Variants in PARP16 observed in about 807,000 individuals in gnomAD.
The protein encoded by PARP16 is protein mono-ADP-ribosyltransferase PARP16.
In PARP16, 31 loss-of-function variants were observed where a neutral mutation model predicts 35.0. The observed-to-expected ratio is 0.88, with a 90% CI of 0.66 to 1.19. PARP16 has a LOEUF of 1.19. Among genes scored for constraint, PARP16 ranks in the 50% most tolerant of loss-of-function variants. PARP16 has a pLI of 0.00. For synonymous variants in PARP16, 162 were observed against 169.5 expected, an observed-to-expected ratio of 0.96 and a Z score of 0.34; for missense variants, 424 against 411.2, an observed-to-expected ratio of 1.03 and a Z score of -0.27.
intron 2 of PARP16, among the ~76,000 whole-genome samples, chr15:65,269,176 T>TTTTCTTGCTTTCTTTCTTTC (rs2090007542): frequency 6.8e-6 from 1 of 146,054 alleles, no homozygotes; most frequent in Non-Finnish European, 1.5e-5. Context: ...TAGTCGGTTT[T>TTTTCTTGCTTTCTTTCTTTC]TTTCTTTCTT....
Position 65,266,602 on chromosome 15 carries a change from TG to T in PARP16, c.478del (p.His160IlefsTer12). ...AFHGSRLENF[H>X]SIIHNGLHCH... ...GTGCAGGCCATTGTGGATAATGGAA[TG>T]GAAGTTTTCTAGGCGGCTACCATGA... On this transcript the variant is annotated frameshift_variant, in exon 3 of 6. Coordinates refer to ENST00000649807, the MANE Select transcript of PARP16 (RefSeq NM_001316943.2). LOFTEE classifies it high-confidence loss of function. 2 of 1,614,150 alleles carry T rather than the reference TG, an allele frequency of 1.2e-6. No individual in the cohort carries two copies. Among genetic ancestry groups the T allele is most frequent in the East Asian group, 2.2e-5 (1 of 44,890 alleles).
chr15:65,252,985 C>G (rs1420582240), intron 2 of PARP16, among the ~76,000 whole-genome samples: 1 of 152,048 alleles, frequency 6.6e-6, no homozygotes, highest in Non-Finnish European at 1.5e-5. Context: ...AAAATATTAG[C>G]TGGACATGGT....
downstream of PARP16, chr15:65,234,313 T>C (rs543033154): frequency 6.6e-6 from 1 of 152,274 alleles, no homozygotes; most frequent in Admixed American, 6.5e-5. Context: ...TCTCCATGTT[T>C]CCTGTCCTGA....
At chr15:65,285,902 A>G (rs2090578715) in intron 1 of PARP16, among the ~76,000 whole-genome samples, 1 of 152,188 alleles carries the variant, frequency 6.6e-6, no homozygotes, top group Non-Finnish European at 1.5e-5. Flanking sequence ...AAAAGGATGG[A>G]TAACTTTCTA....
intron 3 of PARP16, among the ~76,000 whole-genome samples, chr15:65,245,120 C>T (rs1160193273): frequency 6.6e-6 from 1 of 152,200 alleles, no homozygotes; most frequent in Non-Finnish European, 1.5e-5. Flanking sequence ...CTGGCAGCTG[C>T]TCCTCAGTAA....
chr15:65,248,315 C>T (rs1236505426), intron 2 of PARP16: 1 of 455,878 alleles, frequency 2.2e-6, no homozygotes. Flanking sequence ...TGAATGAATG[C>T]TTCTGCACAA....
intron 1 of PARP16, among the ~76,000 whole-genome samples, chr15:65,278,698 G>T (rs1232340405): frequency 1.3e-5 from 2 of 152,184 alleles, no homozygotes; most frequent in Admixed American, 6.5e-5. Context: ...TTATCATCAG[G>T]AAAAGCTGGA....
chr15:65,286,866 G>GCGCCGCGCGCGCCTTCCTGCCC lies in PARP16; in HGVS notation c.-441_-440insGGGCAGGAAGGCGCGCGCGGCG, dbSNP rs1366757773. The GCGCCGCGCGCGCCTTCCTGCCC allele has an allele frequency of 1.9e-5, 3 of 158,926 alleles. No homozygotes were observed. The highest frequency in any genetic ancestry group is 6.5e-5 in the Admixed American group (1 of 15,400). The allele number at this position is 158,926 out of a possible 1,614,324, so 9.8% of individuals were successfully genotyped here. On this transcript the variant is annotated 5_prime_UTR_variant, in exon 1 of 6. Coordinates refer to ENST00000649807, the MANE Select transcript of PARP16 (RefSeq NM_001316943.2). Reference sequence around the variant, plus strand: ...ACTCTCCGCGACGGGCGAGGCTGCTGCGCCGCGCGCGCCTTCCTGCCCCGC... The same window carrying GCGCCGCGCGCGCCTTCCTGCCC: ...ACTCTCCGCGACGGGCGAGGCTGCTGCGCCGCGCGCGCCTTCCTGCCCCGCCGCGCGCGCCTTCCTGCCCCGC...
rs758400971 is a variant in PARP16, at chr15:65,266,626, T to C, written c.455A>G (p.His152Arg). Reference protein sequence around the residue: ...KGERDLIYAFHGSRLENFHSI... With the variant: ...KGERDLIYAFRGSRLENFHSI... ...ATGGAAGTTTTCTAGGCGGCTACCA[T>C]GAAATGCATAGATTAGGTCTCGTTC... The change falls in exon 3 of 6, where the codon CAT (histidine) becomes CGT (arginine). Residue 152 changes from histidine to arginine, a missense_variant. Physicochemically the swap from His to Arg is conservative, Grantham distance 29 (BLOSUM62 0). Coordinates refer to ENST00000649807, the MANE Select transcript of PARP16 (RefSeq NM_001316943.2). The C allele has an allele frequency of 1.2e-6, 2 of 1,614,010 alleles. No individual in the cohort carries two copies. Among genetic ancestry groups the C allele is most frequent in the Non-Finnish European group, 8.5e-7 (1 of 1,180,018 alleles).
At chr15:65,239,955 C>CCTTTTTTTTTTTTTTTTTT in intron 3 of PARP16, among the ~76,000 whole-genome samples, 1 of 81,750 alleles carries the variant, frequency 1.2e-5, no homozygotes, top group Non-Finnish European at 2.1e-5. Context: ...CGCGTCTGAC[C>CCTTTTTTTTTTTTTTTTTT]TTTTTTTTTT....
In PARP16 at chr15:65,286,471, C is replaced by A. The variant is rs756368685; in HGVS notation, c.-45G>T. On this transcript the variant is annotated 5_prime_UTR_variant, in exon 1 of 6. Transcript: ENST00000649807. ...CCGGGGTAGACGCGCTGGTTAGGGG[C>A]AAGGGCGAGCGTGCGTTCAGCGCGG... 1 of 1,371,182 alleles carries A rather than the reference C, an allele frequency of 7.3e-7. No homozygotes were observed. Among genetic ancestry groups the A allele is most frequent in the Non-Finnish European group, 9.5e-7 (1 of 1,054,348 alleles). The allele number at this position is 1,371,182 out of a possible 1,614,324, so 84.9% of individuals were successfully genotyped here.
intron 3 of PARP16, among the ~76,000 whole-genome samples, chr15:65,235,168 G>A (rs796910851): frequency 3.3e-5 from 5 of 151,218 alleles, no homozygotes; most frequent in East Asian, 2.0e-4. Context: ...TTAGCCGGGC[G>A]TAGTGGTGGG....
intron 4 of PARP16, among the ~76,000 whole-genome samples, chr15:65,262,134 C>CTT (rs958810685): frequency 0.014 from 1,854 of 132,216 alleles, 41 homozygotes; most frequent in African/African-American, 0.042. Context: ...TTTTTTCTTT[C>CTT]TTTTTTTTTT....
chr15:65,269,154 C>T lies in PARP16; in HGVS notation c.312+1781G>A, dbSNP rs920882472. 2.1e-5 allele frequency among the ~76,000 whole-genome samples: 3 copies of T among 142,658 alleles called. No homozygotes were observed. The East Asian group carries it at 6.9e-4, about 33-fold the overall frequency. The allele number at this position is 142,658 out of a possible 152,430, so 93.6% of individuals were successfully genotyped here. A position where few individuals can be genotyped will look rare whatever the true frequency, so the allele number is the denominator to read the frequency against. ...AGACAAGCCAGGACAATGGGTCACACCTGGCCCATTTTAGTCGGTTTTTTT... is the reference window on the plus strand; with the variant it reads ...AGACAAGCCAGGACAATGGGTCACATCTGGCCCATTTTAGTCGGTTTTTTT... On this transcript the variant is annotated intron_variant, in intron 2 of 5. Transcript: ENST00000649807.
chr15:65,254,110 C>T (rs1351134451), downstream of PARP16, among the ~76,000 whole-genome samples: 3 of 152,196 alleles, frequency 2.0e-5, no homozygotes, highest in African/African-American at 4.8e-5. Flanking sequence ...TGAACCACCG[C>T]GCCTGGCCTA....
intron 2 of PARP16, among the ~76,000 whole-genome samples, chr15:65,249,926 C>T (rs2089308967): frequency 6.6e-6 from 1 of 152,150 alleles, no homozygotes; most frequent in Non-Finnish European, 1.5e-5. Context: ...ATGGTTTCCA[C>T]TTCTGACATT....
At chr15:65,246,067 C>CATTGGGGT (rs2089201633) in intron 3 of PARP16, among the ~76,000 whole-genome samples, 1 of 152,098 alleles carries the variant, frequency 6.6e-6, no homozygotes, top group African/African-American at 2.4e-5. Context: ...TGGGGATGGC[C>CATTGGGGT]ATTGGGGTGG....
chr15:65,265,916 T>A (rs2089875158), intron 3 of PARP16, among the ~76,000 whole-genome samples: 1 of 152,028 alleles, frequency 6.6e-6, no homozygotes, highest in Non-Finnish European at 1.5e-5. Flanking sequence ...TGGGATTTTT[T>A]ATTATTTATT....
chr15:65,275,405 T>C (rs757221704), intron 1 of PARP16, among the ~76,000 whole-genome samples: 2 of 152,176 alleles, frequency 1.3e-5, no homozygotes, highest in African/African-American at 2.4e-5. Flanking sequence ...GATGTTTGAC[T>C]TCCTGTGTCT....
Sources: gnomAD v4.1 joint callset for allele counts (sites outside exome capture counted in the v4.1 genomes callset) on GRCh38, gnomAD v4.1.1 for gene constraint, MANE v1.5 for transcripts, NCBI Gene and HGNC (gene_info 2026-07-23, HGNC 2026-07-21) for gene names.